The following KCNG3 variants were observed in gnomAD, a reference collection of about 807,000 sequenced individuals.
The protein encoded by KCNG3 is potassium voltage-gated channel modifier subfamily G member 3, also known as voltage-gated potassium channel regulatory subunit KCNG3.
KCNG3 carries 15 observed loss-of-function variants against 29.0 expected under a neutral mutation model. The observed-to-expected ratio is 0.52, with a 90% CI of 0.35 to 0.80. The LOEUF is 0.80. KCNG3 is among the 30% of genes least tolerant of loss of function. KCNG3 has a pLI of 0.01. For missense variants in KCNG3, 512 were observed against 605.7 expected (o/e 0.85, Z 1.62); for synonymous variants, 322 against 248.9 (o/e 1.29, Z -2.76).
intron 1 of KCNG3, among the ~76,000 whole-genome samples, chr2:42,471,946 A>C (rs534848733): frequency 6.6e-6 from 1 of 152,236 alleles, no homozygotes; most frequent in South Asian, 2.1e-4. Context: ...CATATCTACC[A>C]GATTAGCAAA....
At chr2:42,492,496 C>G (rs1425875509) in intron 1 of KCNG3, among the ~76,000 whole-genome samples, 1 of 152,210 alleles carries the variant, frequency 6.6e-6, no homozygotes, top group Non-Finnish European at 1.5e-5. Flanking sequence ...TGAACCCTAA[C>G]AATAAAAGTT....
chr2:42,401,409 A>G, the KCNG3 span, among the ~76,000 whole-genome samples: 3 of 150,434 alleles, frequency 2.0e-5, no homozygotes, highest in Admixed American at 2.0e-4. Flanking sequence ...TAGATGAATT[A>G]TATAGAGAAA....
At chr2:42,476,828 A>C (rs1438389607) in intron 1 of KCNG3, among the ~76,000 whole-genome samples, 1 of 151,602 alleles carries the variant, frequency 6.6e-6, no homozygotes, top group African/African-American at 2.4e-5. Flanking sequence ...ACTGATAATC[A>C]TATAACTTTG....
At chr2:42,476,945 G>T (rs1251647022) in intron 1 of KCNG3, among the ~76,000 whole-genome samples, 6 of 151,070 alleles carry the variant, frequency 4.0e-5, no homozygotes, top group African/African-American at 1.5e-4. Flanking sequence ...CAGCACTTTG[G>T]GAGGCTGAGA....
chr2:42,413,016 C>A, the KCNG3 span, among the ~76,000 whole-genome samples: 1 of 152,260 alleles, frequency 6.6e-6, no homozygotes, highest in African/African-American at 2.4e-5. Context: ...TGCACCCAGG[C>A]TGGAGTGCAG....
the KCNG3 span, among the ~76,000 whole-genome samples, chr2:42,436,412 T>C: frequency 1.3e-5 from 2 of 152,338 alleles, no homozygotes; most frequent in East Asian, 3.9e-4. Flanking sequence ...AAAAAAGGCA[T>C]TGTTAGGACC....
At chr2:42,456,658 G>A (rs955402918) in intron 1 of KCNG3, among the ~76,000 whole-genome samples, 2 of 152,232 alleles carry the variant, frequency 1.3e-5, no homozygotes, top group South Asian at 2.1e-4. Flanking sequence ...CCAACTAGAA[G>A]AGCAATCACC....
chr2:42,474,037 A>C (rs1189436931), intron 1 of KCNG3, among the ~76,000 whole-genome samples: 4 of 151,794 alleles, frequency 2.6e-5, no homozygotes, highest in African/African-American at 9.7e-5. Context: ...CTGCAGTCCC[A>C]GCTACTTGGG....
chr2:42,492,497 A>C (rs955000828), intron 1 of KCNG3, among the ~76,000 whole-genome samples: 7 of 152,248 alleles, frequency 4.6e-5, no homozygotes, highest in Non-Finnish European at 8.8e-5. Context: ...GAACCCTAAC[A>C]ATAAAAGTTC....
the KCNG3 span, among the ~76,000 whole-genome samples, chr2:42,394,910 C>T: frequency 6.6e-6 from 1 of 152,144 alleles, no homozygotes; most frequent in Non-Finnish European, 1.5e-5. Flanking sequence ...AGTCTCAGAC[C>T]ACTCCAGAAA....
chr2:42,412,665 G>A, the KCNG3 span, among the ~76,000 whole-genome samples: 1 of 152,124 alleles, frequency 6.6e-6, no homozygotes, highest in Non-Finnish European at 1.5e-5. Context: ...CTGCTTAAAT[G>A]TTATTTGGCC....
At chr2:42,451,204 C>CAAAAAAAAAAAAAA (rs67651134) in intron 1 of KCNG3, among the ~76,000 whole-genome samples, 1 of 61,008 alleles carries the variant, frequency 1.6e-5, no homozygotes, top group Non-Finnish European at 2.7e-5. Context: ...GACTCCAACT[C>CAAAAAAAAAAAAAA]AAAAAAAAAA....
chr2:42,493,818 C>A lies in KCNG3; in HGVS notation c.-317G>T. On this transcript the variant is annotated 5_prime_UTR_variant, in exon 1 of 2. Coordinates refer to ENST00000306078, the MANE Select transcript of KCNG3 (RefSeq NM_133329.6). ...CCGACCCTCGCGCCCGAGGGCTGCGCACACCGAGGCCGCGGTGCCCTCTCC... is the reference window on the plus strand; with the variant it reads ...CCGACCCTCGCGCCCGAGGGCTGCGAACACCGAGGCCGCGGTGCCCTCTCC... 1 of 232,110 alleles carries A rather than the reference C, an allele frequency of 4.3e-6. No individual in the cohort carries two copies. The highest frequency in any genetic ancestry group is 8.3e-6 in the Non-Finnish European group (1 of 119,868). The allele number at this position is 232,110 out of a possible 1,614,324, so 14.4% of individuals were successfully genotyped here. A position where few individuals can be genotyped will look rare whatever the true frequency, so the allele number is the denominator to read the frequency against.
At chr2:42,457,953 A>G (rs1672921145) in intron 1 of KCNG3, among the ~76,000 whole-genome samples, 1 of 152,142 alleles carries the variant, frequency 6.6e-6, no homozygotes, top group East Asian at 1.9e-4. Flanking sequence ...GAAACCCCTC[A>G]TCTCAATATA....
At chr2:42,451,441 G>A (rs1383077595) in intron 1 of KCNG3, among the ~76,000 whole-genome samples, 1 of 151,550 alleles carries the variant, frequency 6.6e-6, no homozygotes, top group Non-Finnish European at 1.5e-5. Context: ...AAATTAGCAG[G>A]GGGCCGGGCA....
At chr2:42,404,558 A>G in the KCNG3 span, among the ~76,000 whole-genome samples, 7 of 152,118 alleles carry the variant, frequency 4.6e-5, no homozygotes, top group Admixed American at 3.3e-4. Flanking sequence ...GCGAAACCCC[A>G]TCTCTACTAA....
intron 1 of KCNG3, among the ~76,000 whole-genome samples, chr2:42,472,283 C>T (rs1486533593): frequency 2.6e-5 from 4 of 152,158 alleles, no homozygotes; most frequent in Non-Finnish European, 4.4e-5. Context: ...AGAAATCAAA[C>T]GTGACATGAA....
At chr2:42,403,194 G>A in the KCNG3 span, among the ~76,000 whole-genome samples, 4 of 152,182 alleles carry the variant, frequency 2.6e-5, no homozygotes, top group East Asian at 1.9e-4. Context: ...AGGCTGGAGT[G>A]CAGTGGCACG....
chr2:42,452,270 G>T (rs1450761829), intron 1 of KCNG3, among the ~76,000 whole-genome samples: 1 of 102,530 alleles, frequency 9.8e-6, no homozygotes, highest in Non-Finnish European at 2.1e-5. Flanking sequence ...AAAGGAAACA[G>T]AATTTTGCTC....
Sources: gnomAD v4.1 joint callset for allele counts (sites outside exome capture counted in the v4.1 genomes callset) on GRCh38, gnomAD v4.1.1 for gene constraint, MANE v1.5 for transcripts, NCBI Gene and HGNC (gene_info 2026-07-23, HGNC 2026-07-21) for gene names.